GSDMA: variants seen among roughly 807,000 people sequenced by gnomAD.
GSDMA encodes the protein gasdermin-A.
In GSDMA, 55 loss-of-function variants were observed where a neutral mutation model predicts 54.3. The ratio of observed to expected loss-of-function variants is 1.01; its 90% CI spans 0.82 to 1.27. The LOEUF (loss-of-function observed/expected upper bound fraction) is 1.27. Among genes scored for constraint, GSDMA ranks in the 50% most tolerant of loss-of-function variants. GSDMA has a pLI of 0.00. For synonymous variants in GSDMA, 211 were observed against 224.7 expected, an observed-to-expected ratio of 0.94 and a Z score of 0.54; for missense variants, 542 against 542.6, an observed-to-expected ratio of 1.00 and a Z score of 0.01.
Position 39,974,978 on chromosome 17 carries a change from G to T in GSDMA, c.985G>T (p.Val329Leu), listed in dbSNP as rs754738073. ...PKDVLLSKEA[V>L]GAILYFVGAL... Reference sequence around the variant, plus strand: ...AGATGTCCTGCTATCAAAGGAGGCCGTGGGCGCCATCCTCTATTTCGTTGG... The same window carrying T: ...AGATGTCCTGCTATCAAAGGAGGCCTTGGGCGCCATCCTCTATTTCGTTGG... Residue 329 changes from valine to leucine, a missense_variant, in exon 10 of 12, where the codon GTG becomes TTG. By Grantham distance (32) the Val-to-Leu change is conservative (BLOSUM62 1). Coordinates refer to ENST00000301659, the MANE Select transcript of GSDMA (RefSeq NM_178171.5). 13 of 1,612,500 alleles carry T rather than the reference G, an allele frequency of 8.1e-6. No homozygotes were observed. Among genetic ancestry groups the T allele is most frequent in the South Asian group, 1.1e-5 (1 of 90,856 alleles).
rs1336887383 is a variant in GSDMA, at chr17:39,965,915, G to A, written c.214+14G>A. The A allele has an allele frequency of 8.4e-6, 13 of 1,549,584 alleles. No individual in the cohort carries two copies. Among genetic ancestry groups the A allele is most frequent in the African/African-American group, 1.4e-5 (1 of 73,154 alleles). Reference sequence around the variant, plus strand: ...GCTCACCTTCAGGTCAGCCTCAAGCGGGGCTGGGAACTGAGGGATACTGAG... The same window carrying A: ...GCTCACCTTCAGGTCAGCCTCAAGCAGGGCTGGGAACTGAGGGATACTGAG... On this transcript the variant is annotated intron_variant, in intron 2 of 11. Coordinates refer to ENST00000301659, the MANE Select transcript of GSDMA (RefSeq NM_178171.5).
chr17:39,970,760 C>T (rs1041141902), intron 4 of GSDMA, 113 bp downstream of exon 4: 56 of 1,035,120 alleles, frequency 5.4e-5, no homozygotes, highest in African/African-American at 6.7e-5. Flanking sequence ...GCCTGATCAG[C>T]GCCCACCGAG....
At chr17:39,965,594 C>T in intron 1 of GSDMA, 89 bp from the exon 2 acceptor site, 5 of 919,798 alleles carry the variant, frequency 5.4e-6, no homozygotes, top group South Asian at 1.5e-5. Flanking sequence ...GCCGGGTAAA[C>T]TCTCTCTGCA....
At chr17:39,963,916 C>T (rs1979521652) in intron 1 of GSDMA, among the ~76,000 whole-genome samples, 1 of 152,192 alleles carries the variant, frequency 6.6e-6, no homozygotes. Flanking sequence ...CCAGGGCCCT[C>T]TCATCCTAGC....
At position 39,971,635 on chromosome 17, in the gene GSDMA, G is replaced by T; in HGVS notation, c.655+15G>T. On this transcript the variant is annotated intron_variant, in intron 5 of 11. Transcript: ENST00000301659. Reference sequence around the variant, plus strand: ...AGATGAGTGGGGTGAGCAGAGACCCGCATGTTCTCCCCACAAGATGAGAAT... The same window carrying T: ...AGATGAGTGGGGTGAGCAGAGACCCTCATGTTCTCCCCACAAGATGAGAAT... 6.3e-7 allele frequency: 1 copy of T among 1,584,648 alleles called. No homozygotes were observed. The highest frequency in any genetic ancestry group is 1.3e-5 in the African/African-American group (1 of 74,488).
Position 39,972,124 on chromosome 17 carries a change from C to A in GSDMA, c.656-5C>A. The stretch of plus-strand genomic sequence containing the variant: ...CTCCCACCCTCCCTCCCTTGCCCTT[C>A]ACAGATATTCCACATATCTGCAATG... On this transcript the variant is annotated splice_polypyrimidine_tract_variant and splice_region_variant and intron_variant, in intron 5 of 11. Coordinates refer to ENST00000301659, the MANE Select transcript of GSDMA (RefSeq NM_178171.5). The A allele has an allele frequency of 2.4e-6, 2 of 830,844 alleles. No individual in the cohort carries two copies. Among genetic ancestry groups the A allele is most frequent in the Non-Finnish European group, 3.7e-6 (2 of 535,364 alleles). 51.5% of individuals were successfully genotyped at this position (830,844 alleles called of 1,614,324 possible). A position where few individuals can be genotyped will look rare whatever the true frequency, so the allele number is the denominator to read the frequency against.
intron 3 of GSDMA, among the ~76,000 whole-genome samples, chr17:39,969,908 A>AT (rs1161076646): frequency 6.6e-6 from 1 of 151,276 alleles, no homozygotes; most frequent in African/African-American, 2.4e-5. Flanking sequence ...TGAAGGAAAA[A>AT]ATAGGGTAGT....
chr17:39,975,443 C>T (rs576899336), intron 10 of GSDMA, among the ~76,000 whole-genome samples: 1,061 of 59,524 alleles, frequency 0.018, 18 homozygotes, highest in African/African-American at 0.063. Context: ...AGCGAGACTC[C>T]ATCAAAAAAA....
intron 11 of GSDMA, 131 bp downstream of exon 11, chr17:39,976,128 CCTTT>C (rs1288553335): frequency 1.7e-6 from 1 of 582,264 alleles, no homozygotes; most frequent in African/African-American, 1.9e-5. Flanking sequence ...GCCCACTCCT[CCTTT>C]CTCTCTCTAT....
intron 11 of GSDMA, 90 bp downstream of exon 11, chr17:39,976,087 G>A: frequency 1.1e-6 from 1 of 870,974 alleles, no homozygotes; most frequent in Middle Eastern, 2.8e-4. Flanking sequence ...GAGCCATTCT[G>A]GAGGATCCCT....
At chr17:39,966,168 C>A (rs999225065) in intron 2 of GSDMA, 92 bp from the exon 3 acceptor site, 6 of 1,352,902 alleles carry the variant, frequency 4.4e-6, no homozygotes, top group Non-Finnish European at 6.3e-6. Context: ...CTCAAGCAAT[C>A]CTTCCACCTT....
intron 4 of GSDMA, among the ~76,000 whole-genome samples, chr17:39,971,239 C>G (rs1023397842): frequency 4.6e-5 from 7 of 152,110 alleles, no homozygotes; most frequent in Admixed American, 3.9e-4. Context: ...GGAGATGGAG[C>G]AGGTCTGCCC....
rs1171344041 is a variant in GSDMA, at chr17:39,965,760, G to A, written c.73G>A (p.Asp25Asn). 6.2e-7 allele frequency: 1 copy of A among 1,611,774 alleles called. No individual in the cohort carries two copies. Among genetic ancestry groups the A allele is most frequent in the South Asian group, 1.1e-5 (1 of 90,548 alleles). ...LNPRGDLTPL[D>N]SLIDFKRFHP... Reference sequence around the variant, plus strand: ...CCCTCGAGGGGACCTGACACCACTTGACAGCCTCATCGACTTCAAGCGCTT... The same window carrying A: ...CCCTCGAGGGGACCTGACACCACTTAACAGCCTCATCGACTTCAAGCGCTT... Residue 25 changes from aspartate to asparagine, a missense_variant, in exon 2 of 12, where the codon GAC becomes AAC. Asp to Asn is a conservative substitution (Grantham distance 23, BLOSUM62 1). Coordinates refer to ENST00000301659, the MANE Select transcript of GSDMA (RefSeq NM_178171.5).
chr17:39,968,184 C>T (rs1455662446), intron 3 of GSDMA, among the ~76,000 whole-genome samples: 4 of 151,578 alleles, frequency 2.6e-5, no homozygotes, highest in Non-Finnish European at 5.9e-5. Flanking sequence ...TAAGGTGGCT[C>T]GTGAGCCACC....
At chr17:39,968,096 A>C (rs1979751835) in intron 3 of GSDMA, among the ~76,000 whole-genome samples, 1 of 151,944 alleles carries the variant, frequency 6.6e-6, no homozygotes, top group Non-Finnish European at 1.5e-5. Context: ...TGACTTTGTG[A>C]TCTGTCCGCC....
At chr17:39,974,098 G>A (rs1305224717) in intron 8 of GSDMA, among the ~76,000 whole-genome samples, 175 bp from the exon 9 acceptor site, 1 of 152,170 alleles carries the variant, frequency 6.6e-6, no homozygotes, top group East Asian at 1.9e-4. Context: ...GGTTAGGGTT[G>A]GTGGATAGTT....
intron 1 of GSDMA, among the ~76,000 whole-genome samples, chr17:39,964,273 A>C (rs888658082): frequency 6.6e-6 from 1 of 152,056 alleles, no homozygotes; most frequent in African/African-American, 2.4e-5. Flanking sequence ...AGAGCATCAA[A>C]ATGCCTGGAT....
chr17:39,976,723 T>C, intron 11 of GSDMA, 93 bp from the exon 12 acceptor site: 1 of 1,521,856 alleles, frequency 6.6e-7, no homozygotes, highest in Non-Finnish European at 9.0e-7. Context: ...GGAATTCTAA[T>C]AAGGGGAATG....
intron 3 of GSDMA, among the ~76,000 whole-genome samples, chr17:39,968,339 CTTTTTTTTTTTT>C (rs60315845): frequency 3.4e-4 from 14 of 41,358 alleles, no homozygotes; most frequent in Middle Eastern, 0.025. Context: ...TGAGCCCGGT[CTTTTTTTTTTTT>C]TTTTTTTTTT....
Sources: gnomAD v4.1 joint callset for allele counts (sites outside exome capture counted in the v4.1 genomes callset) on GRCh38, gnomAD v4.1.1 for gene constraint, MANE v1.5 for transcripts, NCBI Gene and HGNC (gene_info 2026-07-23, HGNC 2026-07-21) for gene names.